ZNF469: variants seen among roughly 807,000 people sequenced by gnomAD.
ZNF469 encodes the protein zinc finger protein 469.
ZNF469 carries 1 observed loss-of-function variant against 1.0 expected under a neutral mutation model. The observed-to-expected ratio is 1.00, with a 90% CI of 0.35 to 4.73. The LOEUF (loss-of-function observed/expected upper bound fraction) is 4.73, where lower values mean the gene tolerates loss of function less well. Among genes scored for constraint, ZNF469 ranks in the 30% most tolerant of loss-of-function variants. The pLI, the probability that ZNF469 is intolerant of heterozygous loss-of-function variation, is 0.16. For missense variants in ZNF469, 6,100 were observed against 5,356.3 expected (o/e 1.14, Z -4.33); for synonymous variants, 2,703 against 2,363.4 (o/e 1.14, Z -4.17).
the ZNF469 span, among the ~76,000 whole-genome samples, chr16:88,344,383 G>A: frequency 3.9e-5 from 6 of 152,204 alleles, no homozygotes; most frequent in African/African-American, 1.2e-4. Flanking sequence ...TAAGTGAGGG[G>A]TGGACACAAA....
At chr16:88,226,592 C>G in the ZNF469 span, among the ~76,000 whole-genome samples, 100,128 of 151,868 alleles carry the variant, frequency 0.66, 33,259 homozygotes, top group Non-Finnish European at 0.71. Flanking sequence ...CTTACGGCAG[C>G]TCAAGAGACC....
chr16:88,203,498 C>A, the ZNF469 span, among the ~76,000 whole-genome samples: 2 of 142,812 alleles, frequency 1.4e-5, no homozygotes, highest in African/African-American at 2.5e-5. Flanking sequence ...ACGGTGGGGG[C>A]GGGGACGGGG....
chr16:88,433,644 C>T lies in ZNF469; in HGVS notation c.6174C>T (p.Pro2058=). The change falls in exon 3 of 3, where the codon CCC becomes CCT. Residue 2058 remains proline (P), a synonymous_variant. Coordinates refer to ENST00000565624, the MANE Select transcript of ZNF469 (RefSeq NM_001367624.2). ...AGGAGGCCGAGCCCACCCCAAGCCC[C>T]CCGTCCCCTAATAGGGAGTCCCTGG... is the stretch of plus-strand genomic sequence containing the variant. ...LQEEAEPTPS[P]PSPNRESLAL... The T allele has an allele frequency of 6.5e-7, 1 of 1,550,264 alleles. No homozygotes were observed. The highest frequency in any genetic ancestry group is 8.7e-7 in the Non-Finnish European group (1 of 1,146,922).
intron 1 of ZNF469, among the ~76,000 whole-genome samples, chr16:88,417,692 G>C (rs1351562245): frequency 6.6e-6 from 1 of 152,230 alleles, no homozygotes; most frequent in Non-Finnish European, 1.5e-5. Flanking sequence ...CTCCGGTACA[G>C]CATTGACATT....
rs1166169981 is a variant in ZNF469, at chr16:88,438,145, C to G, written c.10675C>G (p.Pro3559Ala). The change falls in exon 3 of 3, where the codon CCA becomes GCA. Residue 3559 changes from proline to alanine, a missense_variant. Coordinates refer to ENST00000565624, the MANE Select transcript of ZNF469 (RefSeq NM_001367624.2). Reference sequence around the variant, plus strand: ...TCCCCCGCCGTCTCTGTCTCCCTTCCCAGCTGCCTTGGCTGATGGCAGAGG... The same window carrying G: ...TCCCCCGCCGTCTCTGTCTCCCTTCGCAGCTGCCTTGGCTGATGGCAGAGG... ...ECPPPSLSPF[P>A]AALADGRGDC... 1 of 1,550,344 alleles carries G rather than the reference C, an allele frequency of 6.5e-7. No homozygotes were observed. The highest frequency in any genetic ancestry group is 1.4e-5 in the African/African-American group (1 of 73,184).
the ZNF469 span, among the ~76,000 whole-genome samples, chr16:88,164,047 A>G: frequency 1.5e-5 from 2 of 137,424 alleles, no homozygotes; most frequent in South Asian, 2.4e-4. Flanking sequence ...ATGAATGGAT[A>G]AGTGGGTGGA....
chr16:88,141,954 G>A, the ZNF469 span, among the ~76,000 whole-genome samples: 2 of 152,244 alleles, frequency 1.3e-5, no homozygotes, highest in African/African-American at 4.8e-5. Flanking sequence ...ATGCATTCGT[G>A]TTGTTTCAGC....
the ZNF469 span, among the ~76,000 whole-genome samples, chr16:88,164,954 C>G: frequency 6.6e-6 from 1 of 152,224 alleles, no homozygotes; most frequent in Admixed American, 6.5e-5. Flanking sequence ...TGTGCCCCGC[C>G]ATGCCACGGT....
At chr16:88,249,417 C>CTTTTTAT in the ZNF469 span, among the ~76,000 whole-genome samples, 1 of 92,998 alleles carries the variant, frequency 1.1e-5, no homozygotes, top group South Asian at 4.1e-4. Flanking sequence ...CTTTTTCTTT[C>CTTTTTAT]TTTTTCTTTT....
chr16:88,211,555 GCT>G, the ZNF469 span, among the ~76,000 whole-genome samples: 1 of 151,900 alleles, frequency 6.6e-6, no homozygotes, highest in African/African-American at 2.4e-5. Flanking sequence ...CAAAGACTGG[GCT>G]CTGTCATGTT....
chr16:88,369,647 A>T, the ZNF469 span, among the ~76,000 whole-genome samples: 2 of 152,192 alleles, frequency 1.3e-5, no homozygotes, highest in Admixed American at 1.3e-4. Flanking sequence ...CCTGGCTGTG[A>T]CGACATTCTC....
chr16:88,388,354 C>T (rs560144674), intron 1 of ZNF469, among the ~76,000 whole-genome samples: 74 of 152,336 alleles, frequency 4.9e-4, no homozygotes, highest in African/African-American at 1.5e-3. Context: ...TCCCAGCCAG[C>T]GGCCAAACAG....
At position 88,430,567 on chromosome 16, in the gene ZNF469, A is replaced by G. The variant is rs1008392749; in HGVS notation, c.3097A>G (p.Arg1033Gly). 36 of 1,488,266 alleles carry G rather than the reference A, an allele frequency of 2.4e-5. No individual in the cohort carries two copies. Among genetic ancestry groups the G allele is most frequent in the Non-Finnish European group, 2.9e-5 (33 of 1,125,922 alleles). 92.2% of individuals were successfully genotyped at this position (1,488,266 alleles called of 1,614,324 possible). The change falls in exon 3 of 3, where the codon AGG becomes GGG. Residue 1033 changes from arginine (R) to glycine (G), a missense_variant. Coordinates refer to ENST00000565624, the MANE Select transcript of ZNF469 (RefSeq NM_001367624.2). ...RSSRRRRLPP[R>G]KDPRKRKARG... is the part of the protein sequence containing the mutation. ...CTCCCGGCGCCGCCGGCTGCCCCCC[A>G]GGAAGGACCCCAGGAAGAGGAAGGC...
chr16:88,365,474 C>T, the ZNF469 span, among the ~76,000 whole-genome samples: 1 of 152,218 alleles, frequency 6.6e-6, no homozygotes, highest in African/African-American at 2.4e-5. Flanking sequence ...TGCTGCTGGA[C>T]CAGGAGGTGG....
At position 88,439,184 on chromosome 16, in the gene ZNF469, C is replaced by T. The variant is rs529322092; in HGVS notation, c.11714C>T (p.Pro3905Leu). 1.2e-5 allele frequency: 19 copies of T among 1,550,448 alleles called. No individual in the cohort carries two copies. The South Asian group carries it at 1.7e-4, about 14-fold the overall frequency. ...CAGGGGAGACCCCTGCTCAGGCCCC[C>T]CAAGAGGGGCACAGCTGTCCACGGT... ...FPQGRPLLRP[P>L]KRGTAVHGAE... Residue 3905 changes from proline (P) to leucine (L), a missense_variant, in exon 3 of 3, where the codon CCC (proline) becomes CTC (leucine). Pro to Leu is a moderately conservative substitution (Grantham distance 98, BLOSUM62 -3). Coordinates refer to ENST00000565624, the MANE Select transcript of ZNF469 (RefSeq NM_001367624.2).
chr16:88,215,158 T>A, the ZNF469 span, among the ~76,000 whole-genome samples: 1 of 152,236 alleles, frequency 6.6e-6, no homozygotes, highest in Non-Finnish European at 1.5e-5. Flanking sequence ...TAGTCTCCAA[T>A]AATTGTAGTC....
chr16:88,168,337 A>T, the ZNF469 span, among the ~76,000 whole-genome samples: 1 of 152,140 alleles, frequency 6.6e-6, no homozygotes, highest in Non-Finnish European at 1.5e-5. The surrounding 1 kb of genome is among the most constrained non-coding windows in gnomAD (Gnocchi z 4.3). Context: ...ATCCAGGCAA[A>T]GTGAACTGGT....
At chr16:88,179,151 C>A in the ZNF469 span, among the ~76,000 whole-genome samples, 1 of 152,150 alleles carries the variant, frequency 6.6e-6, no homozygotes, top group South Asian at 2.1e-4. Flanking sequence ...TTGCCTGGTG[C>A]TGTGGTTTGG....
chr16:88,192,790 GTGATGACAA>G, the ZNF469 span, among the ~76,000 whole-genome samples: 1 of 145,536 alleles, frequency 6.9e-6, no homozygotes, highest in Non-Finnish European at 1.5e-5. Context: ...GGTGATAGTG[GTGATGACAA>G]TGATGGTAAT....
Sources: gnomAD v4.1 joint callset for allele counts (sites outside exome capture counted in the v4.1 genomes callset) on GRCh38, gnomAD v4.1.1 for gene constraint, Gnocchi (gnomAD v3.1) non-coding constraint, MANE v1.5 for transcripts, NCBI Gene and HGNC (gene_info 2026-07-23, HGNC 2026-07-21) for gene names.